Variants in DGKB observed in about 807,000 individuals in gnomAD.
DGKB encodes the protein 90 kDa diacylglycerol kinase.
A neutral mutation model predicts 114.3 loss-of-function variants in DGKB; 67 were observed. That is an observed-to-expected ratio of 0.59 (90% CI 0.48 to 0.72). The LOEUF (loss-of-function observed/expected upper bound fraction) is 0.72. DGKB is among the 30% of genes least tolerant of loss of function. DGKB has a pLI of 0.00. For missense variants in DGKB, 907 were observed against 975.2 expected, an observed-to-expected ratio of 0.93 and a Z score of 0.93; for synonymous variants, 398 against 323.1, an observed-to-expected ratio of 1.23 and a Z score of -2.49.
At chr7:14,208,598 C>T (rs1394564052) in intron 23 of DGKB, among the ~76,000 whole-genome samples, 5 of 151,912 alleles carry the variant, frequency 3.3e-5, no homozygotes, top group Non-Finnish European at 7.4e-5. Context: ...TTTGTGTGTA[C>T]ACATATACTA....
At chr7:14,236,490 C>T (rs934115521) in intron 23 of DGKB, among the ~76,000 whole-genome samples, 1 of 151,724 alleles carries the variant, frequency 6.6e-6, no homozygotes, top group Admixed American at 6.6e-5. Context: ...ACAACATATA[C>T]ATTGAGAAAA....
chr7:14,643,698 T>G (rs552467682), intron 13 of DGKB, among the ~76,000 whole-genome samples: 2 of 152,274 alleles, frequency 1.3e-5, no homozygotes, highest in Non-Finnish European at 2.9e-5. Context: ...GAGAGCCACC[T>G]GTCTTATCTG....
At chr7:14,340,394 A>C (rs568059712) in intron 22 of DGKB, among the ~76,000 whole-genome samples, 1 of 151,636 alleles carries the variant, frequency 6.6e-6, no homozygotes, top group African/African-American at 2.4e-5. Context: ...ACTGTCTTCA[A>C]GTGGAATGTA....
intron 16 of DGKB, among the ~76,000 whole-genome samples, chr7:14,610,793 A>G (rs1463312852): frequency 6.6e-6 from 1 of 152,098 alleles, no homozygotes. Context: ...AAAAATGCCT[A>G]TCAAACCTGG....
chr7:14,698,593 G>A (rs148815917), intron 7 of DGKB, among the ~76,000 whole-genome samples: 37 of 152,224 alleles, frequency 2.4e-4, no homozygotes, highest in African/African-American at 8.9e-4. Flanking sequence ...TTGATACACT[G>A]AGAATATACA....
chr7:14,959,216 T>C (rs953173479), intron 1 of DGKB, among the ~76,000 whole-genome samples: 1 of 152,112 alleles, frequency 6.6e-6, no homozygotes, highest in African/African-American at 2.4e-5. Context: ...ATCATATAAT[T>C]AGTACATTTA....
Position 14,800,893 on chromosome 7 carries a change from AC to A in DGKB, c.70+40300del, listed in dbSNP as rs555169272. Among the ~76,000 whole-genome samples the A allele has an allele frequency of 1.7e-3, 259 of 152,204 alleles. 1 individual carries two copies. Among genetic ancestry groups the A allele is most frequent in the African/African-American group, 5.9e-3 (245 of 41,524 alleles). On this transcript the variant is annotated intron_variant, in intron 2 of 25. Transcript: ENST00000402815. Reference sequence around the variant, plus strand: ...TCCTTCAGGAATGGAGGTGTGAGTCACCCCGCCAGGAAAAGAGCCATGACCA... The same window carrying A: ...TCCTTCAGGAATGGAGGTGTGAGTCACCCGCCAGGAAAAGAGCCATGACCA...
At chr7:14,230,583 G>A (rs558120142) in intron 23 of DGKB, among the ~76,000 whole-genome samples, 24 of 152,002 alleles carry the variant, frequency 1.6e-4, no homozygotes, top group African/African-American at 2.9e-4. Flanking sequence ...AGTGAAAAAC[G>A]CATATAATAA....
chr7:14,504,078 T>A (rs1786633919), intron 20 of DGKB, among the ~76,000 whole-genome samples: 1 of 152,206 alleles, frequency 6.6e-6, no homozygotes, highest in South Asian at 2.1e-4. Flanking sequence ...AAATTTTGCA[T>A]GTAGGCTGCA....
chr7:14,203,573 G>C (rs983715314), intron 23 of DGKB, among the ~76,000 whole-genome samples: 3 of 151,956 alleles, frequency 2.0e-5, no homozygotes, highest in African/African-American at 7.2e-5. Flanking sequence ...CTGCAAGCCA[G>C]TGCATGCATG....
At chr7:14,740,070 G>C (rs1364516274) in intron 4 of DGKB, among the ~76,000 whole-genome samples, 3 of 152,336 alleles carry the variant, frequency 2.0e-5, no homozygotes, top group Non-Finnish European at 1.5e-5. Flanking sequence ...TTGGGGGCTA[G>C]AGGCCCCGTG....
intron 23 of DGKB, among the ~76,000 whole-genome samples, chr7:14,187,975 A>G (rs1056049372): frequency 1.3e-5 from 2 of 152,176 alleles, no homozygotes; most frequent in African/African-American, 2.4e-5. Context: ...CATGATCCGA[A>G]TGAGAAATTC....
At chr7:14,176,430 T>G (rs915319347) in intron 25 of DGKB, 90 of 986,778 alleles carry the variant, frequency 9.1e-5, no homozygotes, top group Non-Finnish European at 1.0e-4. Context: ...AATGGAGGCA[T>G]AGAAAAGCTG....
At chr7:14,316,736 A>G (rs1291720486) in intron 23 of DGKB, among the ~76,000 whole-genome samples, 1 of 151,014 alleles carries the variant, frequency 6.6e-6, no homozygotes, top group Non-Finnish European at 1.5e-5. Flanking sequence ...TCCTTCTGAA[A>G]CTATTCCAAT....
At chr7:14,174,702 C>T (rs964100174) in intron 25 of DGKB, among the ~76,000 whole-genome samples, 3 of 152,132 alleles carry the variant, frequency 2.0e-5, no homozygotes, top group African/African-American at 7.2e-5. Flanking sequence ...TTTCCACCAT[C>T]ACGGTAGCAG....
At chr7:14,916,693 T>C (rs10271523) in intron 1 of DGKB, among the ~76,000 whole-genome samples, 164 of 152,232 alleles carry the variant, frequency 1.1e-3, no homozygotes, top group African/African-American at 3.7e-3. Context: ...TTATTATAGT[T>C]GGAAAGTTCA....
Position 14,146,478 on chromosome 7 carries a change from A to G in DGKB, c.*2653T>C, listed in dbSNP as rs1781489134. On this transcript the variant is annotated 3_prime_UTR_variant, in exon 26 of 26. Coordinates refer to ENST00000402815, the MANE Select transcript of DGKB (RefSeq NM_001350709.2). ...TAGCTGAAAATTTATCTGCACACAT[A>G]GAAGAGAAGTTTCCATCTTGTAAAG... 1.3e-5 allele frequency: 2 copies of G among 152,210 alleles called. No individual in the cohort carries two copies. The highest frequency in any genetic ancestry group is 1.9e-4 in the East Asian group (1 of 5,196). The allele number at this position is 152,210 out of a possible 1,614,324, so 9.4% of individuals were successfully genotyped here. A position where few individuals can be genotyped will look rare whatever the true frequency, so the allele number is the denominator to read the frequency against.
chr7:14,955,760 C>T (rs1261414100), intron 1 of DGKB, among the ~76,000 whole-genome samples: 1 of 152,048 alleles, frequency 6.6e-6, no homozygotes, highest in African/African-American at 2.4e-5. Flanking sequence ...ATAAACGAAG[C>T]TGCTCTCTTT....
chr7:14,877,063 C>T (rs1337813231), intron 1 of DGKB, among the ~76,000 whole-genome samples: 2 of 152,150 alleles, frequency 1.3e-5, no homozygotes, highest in African/African-American at 4.8e-5. Context: ...TAAAAGAACT[C>T]ATATAACCAC....
Sources: allele counts gnomAD v4.1 joint callset (sites outside exome capture counted in the v4.1 genomes callset), GRCh38; gene constraint gnomAD v4.1.1; transcripts MANE v1.5; gene names NCBI Gene and HGNC (gene_info 2026-07-23, HGNC 2026-07-21).